The following TENM2 variants were observed in gnomAD, a reference collection of about 807,000 sequenced individuals.
TENM2 encodes the protein teneurin transmembrane protein 2, also known as teneurin-2.
A neutral mutation model predicts 245.2 loss-of-function variants in TENM2; 52 were observed. The observed-to-expected ratio is 0.21, with a 90% CI of 0.17 to 0.27. The LOEUF (loss-of-function observed/expected upper bound fraction) is 0.27, where lower values mean the gene tolerates loss of function less well. Among genes scored for constraint, TENM2 ranks in the 10% least tolerant of loss-of-function variants. The probability of loss-of-function intolerance (pLI) is 1.00; values close to 1 mark genes in which losing one functional copy is unlikely to be tolerated. For missense variants in TENM2, 3,046 were observed against 3,666.8 expected (o/e 0.83, Z 4.37); for synonymous variants, 1,363 against 1,438.9 (o/e 0.95, Z 1.19).
chr5:167,993,160 T>C (rs1184112379), exon 5 of TENM2: 1 of 1,613,990 alleles, frequency 6.2e-7, no homozygotes, highest in South Asian at 1.1e-5. Flanking sequence ...TCCTCTTGGC[T>C]ATTTTGCTGG....
the TENM2 span, among the ~76,000 whole-genome samples, chr5:167,137,077 G>T: frequency 3.7e-4 from 56 of 152,146 alleles, no homozygotes; most frequent in Non-Finnish European, 7.6e-4. Context: ...GAGACTGAGG[G>T]TGATATCTCC....
At chr5:168,222,590 C>A (rs999384074) in intron 23 of TENM2, among the ~76,000 whole-genome samples, 2 of 152,202 alleles carry the variant, frequency 1.3e-5, no homozygotes, top group African/African-American at 4.8e-5. Context: ...AAGAGCTGGG[C>A]AGAAATAGAG....
intron 2 of TENM2, among the ~76,000 whole-genome samples, chr5:167,427,284 C>T (rs997155208): frequency 2.0e-5 from 3 of 152,092 alleles, no homozygotes; most frequent in African/African-American, 7.2e-5. Flanking sequence ...GAAACCCCAT[C>T]TCTACTAATG....
chr5:167,989,391 A>G (rs1030436218), intron 4 of TENM2, among the ~76,000 whole-genome samples: 1 of 152,142 alleles, frequency 6.6e-6, no homozygotes, highest in Non-Finnish European at 1.5e-5. Flanking sequence ...GGAGTTAGCT[A>G]GGATGGGTTA....
At chr5:167,138,082 T>C in the TENM2 span, among the ~76,000 whole-genome samples, 1 of 152,314 alleles carries the variant, frequency 6.6e-6, no homozygotes, top group African/African-American at 2.4e-5. Flanking sequence ...GCTTGAAAGG[T>C]AGGCACAGGG....
intron 2 of TENM2, among the ~76,000 whole-genome samples, chr5:167,377,823 A>T (rs913269551): frequency 6.6e-6 from 1 of 152,166 alleles, no homozygotes; most frequent in Non-Finnish European, 1.5e-5. Flanking sequence ...ACACCACGGC[A>T]TGGACACTTA....
chr5:167,406,407 A>C (rs73363545), intron 2 of TENM2, among the ~76,000 whole-genome samples: 4,323 of 152,264 alleles, frequency 0.028, 211 homozygotes, highest in African/African-American at 0.098. Flanking sequence ...TTGCAATTGC[A>C]TGCTTAGTTG....
At chr5:167,446,961 A>C (rs1314262451) in intron 2 of TENM2, among the ~76,000 whole-genome samples, 1 of 152,188 alleles carries the variant, frequency 6.6e-6, no homozygotes, top group Non-Finnish European at 1.5e-5. Flanking sequence ...CCAGTTGAAC[A>C]TCTCAAATCC....
chr5:167,248,626 CTG>C, the TENM2 span, among the ~76,000 whole-genome samples: 1 of 151,692 alleles, frequency 6.6e-6, no homozygotes, highest in African/African-American at 2.4e-5. Flanking sequence ...TGAATTGATG[CTG>C]TGTGTGTGTG....
intron 7 of TENM2, among the ~76,000 whole-genome samples, chr5:168,071,670 A>G (rs2152125454): frequency 6.6e-6 from 1 of 152,338 alleles, no homozygotes. Flanking sequence ...ATCATTCTAC[A>G]GTAAACATTC....
chr5:167,199,786 G>C, the TENM2 span, among the ~76,000 whole-genome samples: 3 of 152,194 alleles, frequency 2.0e-5, no homozygotes, highest in African/African-American at 7.2e-5. Context: ...CGAGCTCCTA[G>C]AAAGAAGAGA....
chr5:167,389,602 C>T (rs943455904), intron 2 of TENM2, among the ~76,000 whole-genome samples: 1 of 152,080 alleles, frequency 6.6e-6, no homozygotes, highest in African/African-American at 2.4e-5. Flanking sequence ...CAGTAAAGAG[C>T]AATGTGATGG....
intron 2 of TENM2, among the ~76,000 whole-genome samples, chr5:167,496,867 G>C (rs1165982376): frequency 6.6e-6 from 1 of 152,032 alleles, no homozygotes; most frequent in African/African-American, 2.4e-5. Context: ...CTGCTAGAGA[G>C]ACTTACAAAA....
At chr5:167,677,693 A>G (rs1380632148) in intron 2 of TENM2, among the ~76,000 whole-genome samples, 1 of 149,760 alleles carries the variant, frequency 6.7e-6, no homozygotes, top group Non-Finnish European at 1.5e-5. Flanking sequence ...TATGGTTTAT[A>G]TATTTTAATG....
At chr5:167,006,708 C>G in the TENM2 span, among the ~76,000 whole-genome samples, 2 of 151,262 alleles carry the variant, frequency 1.3e-5, no homozygotes, top group Admixed American at 1.3e-4. Flanking sequence ...CTCTTGTTGC[C>G]CAGGTTGGTG....
Position 168,238,157 on chromosome 5 carries a change from A to AAGAGAG in TENM2, c.5521-6240_5521-6235dup, listed in dbSNP as rs1164402441. Among the ~76,000 whole-genome samples the AAGAGAG allele has an allele frequency of 2.1e-4, 15 of 69,934 alleles. 1 individual carries two copies. Among genetic ancestry groups the AAGAGAG allele is most frequent in the South Asian group, 6.9e-4 (1 of 1,446 alleles). 45.9% of individuals were successfully genotyped at this position (69,934 alleles called of 152,430 possible). A position where few individuals can be genotyped will look rare whatever the true frequency, so the allele number is the denominator to read the frequency against. On this transcript the variant is annotated intron_variant, in intron 25 of 28. Coordinates refer to ENST00000518659, the Ensembl canonical transcript of TENM2. ...GAGACTCCATCTCAAGAAAGAAAGA[A>AAGAGAG]AGAGAGAGAGAGAGAGAGAGAGAGA...
chr5:168,227,648 A>AAAAG (rs1253779446), intron 24 of TENM2, among the ~76,000 whole-genome samples: 2 of 152,058 alleles, frequency 1.3e-5, no homozygotes, highest in African/African-American at 2.4e-5. Flanking sequence ...TTCAGTGAGT[A>AAAAG]AAAGAAACAT....
At chr5:167,178,113 T>C in the TENM2 span, among the ~76,000 whole-genome samples, 654 of 152,320 alleles carry the variant, frequency 4.3e-3, 4 homozygotes, top group African/African-American at 0.015. Context: ...CTAAGTCCAC[T>C]TGGCAAGTGA....
the TENM2 span, among the ~76,000 whole-genome samples, chr5:166,997,992 G>A: frequency 2.6e-5 from 4 of 152,224 alleles, no homozygotes; most frequent in East Asian, 1.9e-4. Context: ...TGTACATAAT[G>A]TACAAAAATG....
Sources: allele counts gnomAD v4.1 joint callset (sites outside exome capture counted in the v4.1 genomes callset), GRCh38; gene constraint gnomAD v4.1.1; transcripts MANE v1.5; gene names NCBI Gene and HGNC (gene_info 2026-07-23, HGNC 2026-07-21).